CACNG2: variants seen among roughly 807,000 people sequenced by gnomAD.
The protein encoded by CACNG2 is calcium voltage-gated channel auxiliary subunit gamma 2.
Under a neutral mutation model 25.9 loss-of-function variants are expected in CACNG2, and 3 were observed. The ratio of observed to expected loss-of-function variants is 0.12; its 90% CI spans 0.05 to 0.30. CACNG2 has a LOEUF of 0.30. CACNG2 is among the 10% of genes least tolerant of loss of function. The probability of loss-of-function intolerance (pLI) is 1.00; values close to 1 mark genes in which losing one functional copy is unlikely to be tolerated. For synonymous variants in CACNG2, 167 were observed against 173.3 expected (o/e 0.96, Z 0.29); for missense variants, 341 against 432.5 (o/e 0.79, Z 1.88).
Position 36,582,795 on chromosome 22 carries a change from T to C in CACNG2, c.295+4670A>G, listed in dbSNP as rs549172666. Among the ~76,000 whole-genome samples the C allele has an allele frequency of 4.0e-5, 6 of 151,750 alleles. No individual in the cohort carries two copies. In the South Asian group the frequency reaches 1.0e-3, roughly 26 times the overall value. ...TTTTTCCCCATAGGGCTTATCTTAG[T>C]CTAACATGTTATATCATTCACCTGT... On this transcript the variant is annotated intron_variant, in intron 2 of 3. Coordinates refer to ENST00000300105, the MANE Select transcript of CACNG2 (RefSeq NM_006078.5).
chr22:36,698,627 C>T (rs1031261477), intron 1 of CACNG2, among the ~76,000 whole-genome samples: 7 of 152,144 alleles, frequency 4.6e-5, no homozygotes, highest in African/African-American at 1.7e-4. Context: ...GCTGGCAGAG[C>T]CCCTGTGAGC....
intron 1 of CACNG2, among the ~76,000 whole-genome samples, chr22:36,631,977 G>GAAAAGTTT (rs1936279677): frequency 6.6e-6 from 1 of 152,012 alleles, no homozygotes; most frequent in Non-Finnish European, 1.5e-5. Context: ...CCTATTCAAA[G>GAAAAGTTT]AAAAGTTTTA....
At chr22:36,592,757 C>T (rs139913898) in intron 1 of CACNG2, among the ~76,000 whole-genome samples, 144 of 152,314 alleles carry the variant, frequency 9.5e-4, no homozygotes, top group African/African-American at 3.3e-3. Context: ...CCCCAAGCTT[C>T]CCTGTTAGAG....
chr22:36,579,317 T>A (rs1224512288), intron 2 of CACNG2, among the ~76,000 whole-genome samples: 1 of 138,968 alleles, frequency 7.2e-6, no homozygotes, highest in Non-Finnish European at 1.5e-5. Flanking sequence ...GGCAGGAGAA[T>A]CACTTGAACC....
At chr22:36,586,159 C>T (rs1437366726) in intron 2 of CACNG2, among the ~76,000 whole-genome samples, 8 of 152,246 alleles carry the variant, frequency 5.3e-5, no homozygotes, top group African/African-American at 1.7e-4. Context: ...GCCCTCCCTG[C>T]CAGGCTGTGC....
At chr22:36,688,656 A>G (rs556019768) in intron 1 of CACNG2, among the ~76,000 whole-genome samples, 218 of 152,214 alleles carry the variant, frequency 1.4e-3, no homozygotes, top group African/African-American at 5.1e-3. Flanking sequence ...CCTGGGAAGA[A>G]GGTGGTTATC....
chr22:36,671,284 CA>C (rs940624587), intron 1 of CACNG2, among the ~76,000 whole-genome samples: 1 of 152,178 alleles, frequency 6.6e-6, no homozygotes, highest in Non-Finnish European at 1.5e-5. Flanking sequence ...TGTAGTAATA[CA>C]TTCTCTTTAA....
intron 2 of CACNG2, among the ~76,000 whole-genome samples, chr22:36,568,035 A>G (rs1482100959): frequency 6.6e-6 from 1 of 152,068 alleles, no homozygotes; most frequent in East Asian, 1.9e-4. Context: ...CTTTTAGTAG[A>G]GATGGGGTTT....
intron 1 of CACNG2, among the ~76,000 whole-genome samples, chr22:36,681,584 G>T (rs1020187340): frequency 1.3e-5 from 2 of 152,086 alleles, no homozygotes; most frequent in Non-Finnish European, 2.9e-5. Flanking sequence ...TATATTTTTG[G>T]GTTACATTTC....
intron 2 of CACNG2, among the ~76,000 whole-genome samples, chr22:36,582,509 G>T (rs1373946251): frequency 6.6e-6 from 1 of 151,068 alleles, no homozygotes; most frequent in Non-Finnish European, 1.5e-5. Context: ...GGGTTCAAAT[G>T]ATTTTCCTGC....
intron 1 of CACNG2, among the ~76,000 whole-genome samples, chr22:36,632,371 T>C (rs1948190208): frequency 6.6e-6 from 1 of 151,632 alleles, no homozygotes; most frequent in Admixed American, 6.6e-5. Flanking sequence ...CAACTGACCT[T>C]CCCCCTGCCA....
intron 2 of CACNG2, among the ~76,000 whole-genome samples, chr22:36,585,720 T>C (rs1174403003): frequency 1.3e-5 from 2 of 152,236 alleles, no homozygotes; most frequent in African/African-American, 4.8e-5. Context: ...AAAAATATTG[T>C]TGGATTAAGT....
At chr22:36,667,948 C>A (rs993987439) in intron 1 of CACNG2, among the ~76,000 whole-genome samples, 1 of 152,246 alleles carries the variant, frequency 6.6e-6, no homozygotes, top group Non-Finnish European at 1.5e-5. Context: ...ATGTTCACCA[C>A]CACCATCAAA....
intron 1 of CACNG2, among the ~76,000 whole-genome samples, chr22:36,686,039 C>T (rs1024484162): frequency 6.6e-6 from 1 of 152,192 alleles, no homozygotes; most frequent in Non-Finnish European, 1.5e-5. Flanking sequence ...GTTGAGGAGA[C>T]AGATACTTGA....
chr22:36,601,386 A>G (rs1026006025), intron 1 of CACNG2, among the ~76,000 whole-genome samples: 1 of 152,234 alleles, frequency 6.6e-6, no homozygotes, highest in Non-Finnish European at 1.5e-5. Context: ...GTATGTAAAC[A>G]CCACAGTTTC....
At chr22:36,610,002 G>A (rs1935912198) in intron 1 of CACNG2, among the ~76,000 whole-genome samples, 1 of 151,558 alleles carries the variant, frequency 6.6e-6, no homozygotes, top group African/African-American at 2.4e-5. Context: ...AGCGTGATCA[G>A]GCAGGGATCA....
chr22:36,690,442 G>T (rs914852141), intron 1 of CACNG2, among the ~76,000 whole-genome samples: 1 of 152,094 alleles, frequency 6.6e-6, no homozygotes, highest in Non-Finnish European at 1.5e-5. Flanking sequence ...AGCACAACTC[G>T]CTTGCCAATC....
chr22:36,589,681 G>T (rs560621230), intron 1 of CACNG2, among the ~76,000 whole-genome samples: 1 of 152,228 alleles, frequency 6.6e-6, no homozygotes, highest in African/African-American at 2.4e-5. Flanking sequence ...CCATGGACAG[G>T]TGTCTTCTCT....
intron 1 of CACNG2, among the ~76,000 whole-genome samples, chr22:36,640,349 G>T (rs184011363): frequency 6.6e-6 from 1 of 152,336 alleles, no homozygotes; most frequent in Admixed American, 6.5e-5. Context: ...GCTGGAGGGA[G>T]ATTACAAGGG....
Sources: allele counts gnomAD v4.1 joint callset (sites outside exome capture counted in the v4.1 genomes callset), GRCh38; gene constraint gnomAD v4.1.1; transcripts MANE v1.5; gene names NCBI Gene and HGNC (gene_info 2026-07-23, HGNC 2026-07-21).